JARID2: variants seen among roughly 807,000 people sequenced by gnomAD.
The protein encoded by JARID2 is jumonji and AT-rich interaction domain containing 2, also known as protein Jumonji.
In JARID2, 21 loss-of-function variants were observed where a neutral mutation model predicts 125.6. The ratio of observed to expected loss-of-function variants is 0.17; its 90% CI spans 0.12 to 0.24. The LOEUF is 0.24. Among genes scored for constraint, JARID2 ranks in the 10% least tolerant of loss-of-function variants. The probability of loss-of-function intolerance (pLI) is 1.00; values close to 1 mark genes in which losing one functional copy is unlikely to be tolerated. For synonymous variants in JARID2, 736 were observed against 661.6 expected, an observed-to-expected ratio of 1.11 and a Z score of -1.73; for missense variants, 1,303 against 1,639.6, an observed-to-expected ratio of 0.79 and a Z score of 3.55.
At chr6:15,326,854 T>A (rs1035209895) in intron 1 of JARID2, among the ~76,000 whole-genome samples, 2 of 152,252 alleles carry the variant, frequency 1.3e-5, no homozygotes, top group Non-Finnish European at 2.9e-5. Context: ...ATACCCATGA[T>A]AATGATAACA....
At chr6:15,469,510 G>A (rs1290521195) in intron 5 of JARID2, among the ~76,000 whole-genome samples, 1 of 149,062 alleles carries the variant, frequency 6.7e-6, no homozygotes, top group Non-Finnish European at 1.5e-5. Context: ...TCGGCTCACT[G>A]CCAGCTCTAC....
intron 3 of JARID2, among the ~76,000 whole-genome samples, chr6:15,431,495 A>C (rs1372721610): frequency 6.6e-6 from 1 of 152,214 alleles, no homozygotes; most frequent in Admixed American, 6.5e-5. Context: ...CACCTTGAAG[A>C]CAGTGACGGC....
At chr6:15,309,413 G>A (rs563538671) in intron 1 of JARID2, among the ~76,000 whole-genome samples, 1 of 151,974 alleles carries the variant, frequency 6.6e-6, no homozygotes, top group South Asian at 2.1e-4. Flanking sequence ...TAGGAATTTG[G>A]CCACAAGGAT....
intron 1 of JARID2, among the ~76,000 whole-genome samples, chr6:15,345,122 T>G (rs1015998688): frequency 6.6e-6 from 1 of 152,196 alleles, no homozygotes; most frequent in African/African-American, 2.4e-5. Context: ...GTTAGAAGCT[T>G]CTAGTATAGT....
At chr6:15,306,537 C>A (rs61520747) in intron 1 of JARID2, among the ~76,000 whole-genome samples, 6,215 of 151,762 alleles carry the variant, frequency 0.041, 198 homozygotes, top group African/African-American at 0.087. Flanking sequence ...AGGGTCTCAC[C>A]ATGTTGGCCA....
intron 1 of JARID2, among the ~76,000 whole-genome samples, chr6:15,283,605 G>C (rs138455556): frequency 6.6e-6 from 1 of 151,888 alleles, no homozygotes; most frequent in South Asian, 2.1e-4. Context: ...GCCTCCCAAA[G>C]TGCTGGGATT....
intron 6 of JARID2, among the ~76,000 whole-genome samples, chr6:15,488,875 A>T (rs1770010212): frequency 6.6e-6 from 1 of 152,128 alleles, no homozygotes; most frequent in Non-Finnish European, 1.5e-5. Flanking sequence ...GACAACAGCC[A>T]CGGTGTGGAA....
intron 1 of JARID2, among the ~76,000 whole-genome samples, chr6:15,282,316 A>G (rs1160238833): frequency 6.6e-6 from 1 of 152,198 alleles, no homozygotes; most frequent in Non-Finnish European, 1.5e-5. Flanking sequence ...CACTAACAGC[A>G]TATGAGAGTC....
chr6:15,361,786 G>A lies in JARID2; in HGVS notation c.46-12331G>A, dbSNP rs969130241. 2.0e-5 allele frequency among the ~76,000 whole-genome samples: 3 copies of A among 152,096 alleles called. No individual in the cohort carries two copies. The East Asian group carries it at 5.8e-4, about 29-fold the overall frequency. On this transcript the variant is annotated intron_variant, in intron 1 of 17. Transcript: ENST00000341776. ...AATGTTGGAACTGGCTGGGATGCAC[G>A]GACCAAAGAAGAGGTTCAGTTTTGT...
chr6:15,497,004 G>A lies in JARID2; in HGVS notation c.1779G>A (p.Pro593=), dbSNP rs757218487. ...GGATGTGCAGGGTGATCCCCCCTCC[G>A]GACTGGCGGCCCGAGTGCAAGCTCA... is the stretch of plus-strand genomic sequence containing the variant. ...KFGMCRVIPP[P]DWRPECKLND... is the part of the protein sequence containing the mutation. The change falls in exon 7 of 18, where the codon CCG becomes CCA. Residue 593 remains proline, a synonymous_variant. Transcript: ENST00000341776. 1.5e-5 allele frequency: 25 copies of A among 1,613,856 alleles called. No individual in the cohort carries two copies. The highest frequency in any genetic ancestry group is 1.6e-4 in the Middle Eastern group (1 of 6,084).
intron 1 of JARID2, among the ~76,000 whole-genome samples, chr6:15,350,863 C>G (rs966071055): frequency 3.3e-5 from 5 of 151,562 alleles, no homozygotes; most frequent in Admixed American, 6.6e-5. Context: ...AAATAACTCC[C>G]AAATATTTTT....
chr6:15,501,527 G>A (rs771680243), intron 8 of JARID2, 118 bp downstream of exon 8: 29 of 995,830 alleles, frequency 2.9e-5, no homozygotes, highest in Non-Finnish European at 3.7e-5. Context: ...GGTGATGAGG[G>A]GGCGGGCCAC....
chr6:15,298,293 C>T (rs570994737), intron 1 of JARID2, among the ~76,000 whole-genome samples: 146 of 152,064 alleles, frequency 9.6e-4, no homozygotes, highest in African/African-American at 2.0e-3. Flanking sequence ...AATATTTTCG[C>T]GAGAAATGAC....
intron 4 of JARID2, among the ~76,000 whole-genome samples, chr6:15,465,778 T>A (rs1768694076): frequency 6.6e-6 from 1 of 151,826 alleles, no homozygotes; most frequent in South Asian, 2.1e-4. Flanking sequence ...CTGCTGTATT[T>A]TTTTTGTTGC....
chr6:15,487,508 C>T lies in JARID2; in HGVS notation c.872C>T (p.Pro291Leu), dbSNP rs761856984. The change falls in exon 6 of 18, where the codon CCT becomes CTT. Residue 291 changes from proline (P) to leucine (L), a missense_variant. Around this residue, in one of 11 missense-constraint regions of JARID2, gnomAD observed 651 missense variants for 581.6 expected, o/e 1.12. Coordinates refer to ENST00000341776, the MANE Select transcript of JARID2 (RefSeq NM_004973.4). ...KGLAATHHHP[P>L]LHRSAQDLRK... ...CTTGCTGCCACCCATCACCACCCCC[C>T]TCTGCATCGGTCGGCTCAGGACTTA... 1 of 1,613,830 alleles carries T rather than the reference C, an allele frequency of 6.2e-7. No homozygotes were observed. The highest frequency in any genetic ancestry group is 8.5e-7 in the Non-Finnish European group (1 of 1,179,804).
At chr6:15,462,904 T>C (rs1484823715) in intron 4 of JARID2, among the ~76,000 whole-genome samples, 4 of 152,242 alleles carry the variant, frequency 2.6e-5, no homozygotes, top group South Asian at 2.1e-4. Flanking sequence ...ATGATCTCTG[T>C]TGTTGTTGTA....
rs181198876 is a variant in JARID2 at position 15,412,691 on chromosome 6, C to T, written c.323+2326C>T. ...TAAGAACTCCTTTGTTTTGATCCTT[C>T]GTCAGTATTTAGTGGGTTGGGTATG... On this transcript the variant is annotated intron_variant, in intron 3 of 17. Coordinates refer to ENST00000341776, the MANE Select transcript of JARID2 (RefSeq NM_004973.4). 1.4e-3 allele frequency among the ~76,000 whole-genome samples: 212 copies of T among 152,262 alleles called. 1 individual carries two copies. The highest frequency in any genetic ancestry group is 8.8e-5 in the Non-Finnish European group (6 of 68,030).
At chr6:15,248,844 A>T (rs1008883396) in intron 1 of JARID2, 1 of 896,318 alleles carries the variant, frequency 1.1e-6, no homozygotes, top group Non-Finnish European at 1.3e-6. Flanking sequence ...CGGCGGGGGG[A>T]GGAGGGAGCT....
At chr6:15,384,067 T>G (rs1012757220) in intron 2 of JARID2, among the ~76,000 whole-genome samples, 1 of 152,224 alleles carries the variant, frequency 6.6e-6, no homozygotes, top group Non-Finnish European at 1.5e-5. Flanking sequence ...GTGCTGGGAT[T>G]ATAGGCGTGA....
Sources: allele counts gnomAD v4.1 joint callset (sites outside exome capture counted in the v4.1 genomes callset), GRCh38; gene constraint gnomAD v4.1.1; regional missense constraint gnomAD v4.1.1; transcripts MANE v1.5; gene names NCBI Gene and HGNC (gene_info 2026-07-23, HGNC 2026-07-21).